The following KIAA1958 variants were observed in gnomAD, a reference collection of about 807,000 sequenced individuals.
KIAA1958 encodes KIAA1958, also known as uncharacterized protein KIAA1958.
KIAA1958 carries 14 observed loss-of-function variants against 47.2 expected under a neutral mutation model. The observed-to-expected ratio is 0.30, with a 90% CI of 0.20 to 0.46. KIAA1958 has a LOEUF of 0.46. Among genes scored for constraint, KIAA1958 ranks in the 20% least tolerant of loss-of-function variants. The pLI is 1.00. For missense variants in KIAA1958, 803 were observed against 909.2 expected (o/e 0.88, Z 1.50); for synonymous variants, 354 against 353.3 (o/e 1.00, Z -0.02).
intron 2 of KIAA1958, among the ~76,000 whole-genome samples, chr9:112,604,209 A>G (rs1304938468): frequency 1.3e-5 from 2 of 152,194 alleles, no homozygotes; most frequent in South Asian, 4.1e-4. Context: ...CTAACAAGAG[A>G]GGAAATAATT....
chr9:112,556,637 C>T (rs988071454), intron 1 of KIAA1958, among the ~76,000 whole-genome samples: 3 of 152,176 alleles, frequency 2.0e-5, no homozygotes, highest in African/African-American at 7.2e-5. Flanking sequence ...GTCCAGCCCA[C>T]TTAGGTTTCT....
At chr9:112,607,488 G>A (rs1836254926) in intron 2 of KIAA1958, among the ~76,000 whole-genome samples, 1 of 152,090 alleles carries the variant, frequency 6.6e-6, no homozygotes, top group Admixed American at 6.5e-5. Flanking sequence ...TTGGTGGTGA[G>A]AGCTTCCCTG....
At chr9:112,590,744 G>A (rs545039643) in intron 2 of KIAA1958, among the ~76,000 whole-genome samples, 41 of 152,280 alleles carry the variant, frequency 2.7e-4, no homozygotes, top group African/African-American at 9.9e-4. Context: ...CCAACGTAAT[G>A]ATGAAACATT....
intron 1 of KIAA1958, among the ~76,000 whole-genome samples, chr9:112,489,474 G>GTTTT (rs5900004): frequency 2.1e-5 from 3 of 141,442 alleles, no homozygotes; most frequent in Non-Finnish European, 4.6e-5. Flanking sequence ...ATGTTTTTGT[G>GTTTT]TTTTTTTTTT....
intron 1 of KIAA1958, among the ~76,000 whole-genome samples, chr9:112,504,036 G>A (rs1029940354): frequency 6.6e-6 from 1 of 151,894 alleles, no homozygotes; most frequent in African/African-American, 2.4e-5. Flanking sequence ...TAATACCTTA[G>A]AAATCAAGTA....
At chr9:112,628,088 CAT>C (rs1303928596) in intron 2 of KIAA1958, among the ~76,000 whole-genome samples, 3 of 152,144 alleles carry the variant, frequency 2.0e-5, no homozygotes, top group Non-Finnish European at 4.4e-5. Context: ...GGGAAGCTGT[CAT>C]AAAGTGTTAA....
intron 1 of KIAA1958, among the ~76,000 whole-genome samples, chr9:112,530,979 G>A (rs567355852): frequency 2.6e-5 from 4 of 152,294 alleles, no homozygotes; most frequent in African/African-American, 7.2e-5. Context: ...TTTATGTTCA[G>A]CTTATTCTGA....
chr9:112,588,629 G>A (rs892522561), intron 2 of KIAA1958, among the ~76,000 whole-genome samples: 1 of 152,148 alleles, frequency 6.6e-6, no homozygotes. Flanking sequence ...GTTACTTTGT[G>A]TGTGTGTGTT....
chr9:112,553,937 G>A lies in KIAA1958; in HGVS notation c.-24-20120G>A, dbSNP rs563685264. Among the ~76,000 whole-genome samples, 6 of 151,998 alleles carry A rather than the reference G, an allele frequency of 3.9e-5. No individual in the cohort carries two copies. In the South Asian group the frequency reaches 1.2e-3, roughly 32 times the overall value. On this transcript the variant is annotated intron_variant, in intron 1 of 3. Transcript: ENST00000337530. ...ATTTTCATAGTTATAAAGTAGTTCA[G>A]CAATAAGATATAATTTCACCTCTAA...
At chr9:112,638,867 A>G (rs993123971) in intron 2 of KIAA1958, among the ~76,000 whole-genome samples, 1 of 152,126 alleles carries the variant, frequency 6.6e-6, no homozygotes, top group Non-Finnish European at 1.5e-5. Context: ...CAAATCATCT[A>G]TGTGTTACAC....
intron 1 of KIAA1958, among the ~76,000 whole-genome samples, chr9:112,525,371 A>G (rs530497351): frequency 1.2e-4 from 18 of 152,296 alleles, no homozygotes; most frequent in African/African-American, 4.3e-4. Flanking sequence ...AGGACCATAA[A>G]CACTAGAAAT....
At chr9:112,537,198 C>A (rs528917152) in intron 1 of KIAA1958, among the ~76,000 whole-genome samples, 1 of 152,160 alleles carries the variant, frequency 6.6e-6, no homozygotes, top group South Asian at 2.1e-4. Context: ...CTCTGCCTTC[C>A]AGGTTCAAGT....
chr9:112,524,399 A>G (rs377021172), intron 1 of KIAA1958, among the ~76,000 whole-genome samples: 3 of 152,366 alleles, frequency 2.0e-5, no homozygotes, highest in African/African-American at 7.2e-5. Context: ...GTTTCAGTTT[A>G]TGCTATACCT....
intron 2 of KIAA1958, among the ~76,000 whole-genome samples, chr9:112,590,284 C>A (rs1157429489): frequency 1.3e-5 from 2 of 151,878 alleles, no homozygotes; most frequent in Admixed American, 6.6e-5. Flanking sequence ...ATCAAGTCTC[C>A]TCCAAAGCTT....
chr9:112,597,839 A>G (rs1424688268), intron 2 of KIAA1958, among the ~76,000 whole-genome samples: 1 of 152,152 alleles, frequency 6.6e-6, no homozygotes, highest in Non-Finnish European at 1.5e-5. Flanking sequence ...TATTTTTCTT[A>G]TATAGTTTTA....
intron 1 of KIAA1958, among the ~76,000 whole-genome samples, chr9:112,532,358 T>A (rs907280053): frequency 2.0e-5 from 3 of 152,254 alleles, no homozygotes; most frequent in African/African-American, 7.2e-5. Context: ...CTTTTCAGTT[T>A]AACATTTAGA....
intron 2 of KIAA1958, among the ~76,000 whole-genome samples, chr9:112,600,623 C>T (rs2131199393): frequency 6.6e-6 from 1 of 152,266 alleles, no homozygotes; most frequent in East Asian, 1.9e-4. Flanking sequence ...TAGATATTAA[C>T]TCTGGTTGTT....
At chr9:112,658,451 CAAAG>C (rs1483213190) in intron 3 of KIAA1958, among the ~76,000 whole-genome samples, 2 of 152,038 alleles carry the variant, frequency 1.3e-5, no homozygotes, top group African/African-American at 4.8e-5. Flanking sequence ...GATTTGCAAA[CAAAG>C]AAAACCAAGG....
intron 1 of KIAA1958, among the ~76,000 whole-genome samples, chr9:112,560,148 C>T (rs1236867744): frequency 6.7e-6 from 1 of 149,694 alleles, no homozygotes; most frequent in East Asian, 1.9e-4. Context: ...ATCCTTCTGC[C>T]TTGGCCTGGC....
Sources: gnomAD v4.1 joint callset for allele counts (sites outside exome capture counted in the v4.1 genomes callset) on GRCh38, gnomAD v4.1.1 for gene constraint, MANE v1.5 for transcripts, NCBI Gene and HGNC (gene_info 2026-07-23, HGNC 2026-07-21) for gene names.